Variants in CREB5 observed in about 807,000 individuals in gnomAD.
CREB5 encodes the protein cyclic AMP-responsive element-binding protein 5.
CREB5 carries 19 observed loss-of-function variants against 57.1 expected under a neutral mutation model. That is an observed-to-expected ratio of 0.33 (90% CI 0.23 to 0.49). CREB5 has a LOEUF of 0.49. Among genes scored for constraint, CREB5 ranks in the 20% least tolerant of loss-of-function variants. The pLI, the probability that CREB5 is intolerant of heterozygous loss-of-function variation, is 0.99. For missense variants in CREB5, 579 were observed against 671.6 expected, an observed-to-expected ratio of 0.86 and a Z score of 1.52; for synonymous variants, 238 against 238.3, an observed-to-expected ratio of 1.00 and a Z score of 0.01.
chr7:28,394,879 T>A (rs913157341), intron 1 of CREB5, among the ~76,000 whole-genome samples: 1 of 152,360 alleles, frequency 6.6e-6, no homozygotes, highest in Middle Eastern at 3.4e-3. Context: ...AAAATAATTA[T>A]CTTATTTTCC....
At chr7:28,545,694 T>C (rs1252375899) in intron 4 of CREB5, among the ~76,000 whole-genome samples, 1 of 152,198 alleles carries the variant, frequency 6.6e-6, no homozygotes, top group Non-Finnish European at 1.5e-5. Context: ...ATAAACTAAC[T>C]TCTCAGATCA....
rs146539609 is a variant in CREB5, at chr7:28,513,401, C to T, written c.291+5664C>T. The T allele has an allele frequency of 1.1e-4, 17 of 152,064 alleles. No homozygotes were observed. In the East Asian group the frequency reaches 1.7e-3, roughly 16 times the overall value. 9.4% of individuals were successfully genotyped at this position (152,064 alleles called of 1,614,324 possible). ...TTTATCCAGGTTTTGAAAATGTCCC[C>T]GTGTTTGCTTAATCCTAGTAGATGA... is the stretch of plus-strand genomic sequence containing the variant. On this transcript the variant is annotated intron_variant, in intron 4 of 10. Coordinates refer to ENST00000357727, the MANE Select transcript of CREB5 (RefSeq NM_182898.4).
At chr7:28,573,828 A>C (rs1795797641) in intron 5 of CREB5, among the ~76,000 whole-genome samples, 1 of 152,160 alleles carries the variant, frequency 6.6e-6, no homozygotes, top group Non-Finnish European at 1.5e-5. Context: ...ACCAGACCAA[A>C]ATGAGTGCAA....
At chr7:28,527,365 G>A (rs1793491689) in intron 4 of CREB5, among the ~76,000 whole-genome samples, 1 of 152,190 alleles carries the variant, frequency 6.6e-6, no homozygotes, top group Admixed American at 6.5e-5. Flanking sequence ...TGAGAAACTT[G>A]CTGCATTGGA....
chr7:28,413,317 A>G (rs896511415), intron 1 of CREB5, among the ~76,000 whole-genome samples: 1 of 152,128 alleles, frequency 6.6e-6, no homozygotes, highest in Non-Finnish European at 1.5e-5. Context: ...TTAAAAAAAA[A>G]CAATAAAACA....
rs184198831 is a variant in CREB5 at position 28,785,964 on chromosome 7, T to C, written c.703-18235T>C. The stretch of plus-strand genomic sequence containing the variant: ...CTTCTACATTATATCTAGAACGTGG[T>C]CACGTGTCATCGTGCCTCCTTCCTC... On this transcript the variant is annotated intron_variant, in intron 7 of 10. Transcript: ENST00000357727. Among the ~76,000 whole-genome samples the C allele has an allele frequency of 1.6e-3, 244 of 152,268 alleles. 1 individual carries two copies. The highest frequency in any genetic ancestry group is 5.5e-3 in the African/African-American group (230 of 41,548).
intron 4 of CREB5, among the ~76,000 whole-genome samples, chr7:28,537,986 A>T (rs1794034766): frequency 6.6e-6 from 1 of 152,168 alleles, no homozygotes; most frequent in Non-Finnish European, 1.5e-5. Flanking sequence ...CTGGGGGAAA[A>T]AATCTGTATG....
At chr7:28,801,317 A>G (rs1055551498) in intron 7 of CREB5, among the ~76,000 whole-genome samples, 10 of 152,208 alleles carry the variant, frequency 6.6e-5, no homozygotes, top group Non-Finnish European at 1.5e-4. Flanking sequence ...GTATACTTTT[A>G]TAGTAATGAA....
intron 1 of CREB5, among the ~76,000 whole-genome samples, chr7:28,393,464 G>A (rs924324504): frequency 1.3e-5 from 2 of 152,118 alleles, no homozygotes; most frequent in Non-Finnish European, 2.9e-5. Context: ...TGGTATCATT[G>A]CTTTTTCTTC....
intron 5 of CREB5, among the ~76,000 whole-genome samples, chr7:28,598,066 T>C (rs116340142): frequency 0.019 from 2,879 of 152,282 alleles, 103 homozygotes; most frequent in African/African-American, 0.066. Context: ...TTTGGCTGTG[T>C]CCCTGCCCAA....
chr7:28,389,954 C>A (rs1583414801), intron 1 of CREB5, among the ~76,000 whole-genome samples: 1 of 152,076 alleles, frequency 6.6e-6, no homozygotes, highest in East Asian at 1.9e-4. Flanking sequence ...TTGAGAAAGT[C>A]CAGCTTCTCC....
chr7:28,410,255 C>A (rs1212724998), upstream of CREB5: 1 of 455,294 alleles, frequency 2.2e-6, no homozygotes, highest in Non-Finnish European at 4.4e-6. Flanking sequence ...CTCCAGTCCA[C>A]TCCTCCGGCC....
intron 1 of CREB5, among the ~76,000 whole-genome samples, chr7:28,480,780 G>C (rs989063657): frequency 6.6e-6 from 1 of 152,108 alleles, no homozygotes; most frequent in Admixed American, 6.6e-5. Context: ...ACCTAAATGC[G>C]GTTCATACGC....
At chr7:28,570,234 T>C in intron 4 of CREB5, 131 bp from the exon 5 acceptor site, 1 of 902,280 alleles carries the variant, frequency 1.1e-6, no homozygotes, top group Non-Finnish European at 1.7e-6. Flanking sequence ...AATGGGCCTA[T>C]GGCTTGCCGG....
intron 5 of CREB5, among the ~76,000 whole-genome samples, chr7:28,629,805 C>T (rs1430444402): frequency 6.6e-6 from 1 of 152,196 alleles, no homozygotes; most frequent in East Asian, 1.9e-4. Flanking sequence ...CATGTGAAGG[C>T]TCTTTCCTGT....
intron 7 of CREB5, among the ~76,000 whole-genome samples, chr7:28,790,463 AGAGAGAGAG>A (rs1331014546): frequency 3.4e-4 from 10 of 29,694 alleles, no homozygotes; most frequent in South Asian, 1.5e-3. Flanking sequence ...AGAGAGAGAT[AGAGAGAGAG>A]AGAAAGAAAG....
rs1171381156 is a variant in CREB5 at position 28,561,026 on chromosome 7, G to A, written c.292-9339G>A. On this transcript the variant is annotated intron_variant, in intron 4 of 10. Coordinates refer to ENST00000357727, the MANE Select transcript of CREB5 (RefSeq NM_182898.4). ...TGTGCGTGTGTGTGTGCGTGTGTGC[G>A]TGTGTGTGTGTGTGTGTGAAGGTAT... Among the ~76,000 whole-genome samples the A allele has an allele frequency of 9.1e-5, 5 of 55,034 alleles. 1 individual carries two copies. The highest frequency in any genetic ancestry group is 1.5e-4 in the Non-Finnish European group (5 of 32,966). The allele number at this position is 55,034 out of a possible 152,430, so 36.1% of individuals were successfully genotyped here.
At chr7:28,586,971 G>A (rs535612708) in intron 5 of CREB5, among the ~76,000 whole-genome samples, 1 of 152,334 alleles carries the variant, frequency 6.6e-6, no homozygotes, top group South Asian at 2.1e-4. Context: ...CAAAAATCCA[G>A]ACCCAAGGTG....
At chr7:28,321,154 A>T (rs143177336) in intron 1 of CREB5, among the ~76,000 whole-genome samples, 2 of 152,290 alleles carry the variant, frequency 1.3e-5, no homozygotes, top group East Asian at 3.9e-4. Flanking sequence ...ACACTGCTTG[A>T]CACTTAGTAA....
Sources: allele counts gnomAD v4.1 joint callset (sites outside exome capture counted in the v4.1 genomes callset), GRCh38; gene constraint gnomAD v4.1.1; transcripts MANE v1.5; gene names NCBI Gene and HGNC (gene_info 2026-07-23, HGNC 2026-07-21).